Variants in ZMYM4 observed in about 807,000 individuals in gnomAD.
ZMYM4 encodes the protein zinc finger MYM-type protein 4.
A neutral mutation model predicts 183.2 loss-of-function variants in ZMYM4; 31 were observed. That is an observed-to-expected ratio of 0.17 (90% confidence interval 0.13 to 0.23). The LOEUF (loss-of-function observed/expected upper bound fraction) is 0.23, where lower values mean the gene tolerates loss of function less well. Ranked by LOEUF, ZMYM4 falls within the 10% of genes least tolerant of loss-of-function variation. The pLI is 1.00. For synonymous variants in ZMYM4, 592 were observed against 631.2 expected (o/e 0.94, Z 0.93); for missense variants, 1,273 against 1,840.3 (o/e 0.69, Z 5.64).
intron 7 of ZMYM4, among the ~76,000 whole-genome samples, chr1:35,379,735 A>G (rs573272937): frequency 6.6e-6 from 1 of 152,332 alleles, no homozygotes; most frequent in South Asian, 2.1e-4. Context: ...TTTGTTGAGC[A>G]CTTAGAGGCC....
chr1:35,279,510 C>G lies in ZMYM4; in HGVS notation c.39+10425C>G, dbSNP rs140197419. Among the ~76,000 whole-genome samples the G allele has an allele frequency of 2.2e-4, 33 of 152,314 alleles. No homozygotes were observed. In the East Asian group the frequency reaches 6.4e-3, roughly 29 times the overall value. ...GCCACGTGGCCTGCTCTCTAGAACA[C>G]ACTTTTCTAACAGTGAATTTCCTAA... On this transcript the variant is annotated intron_variant, in intron 1 of 29. Transcript: ENST00000314607.
rs771056764 is a variant in ZMYM4, at chr1:35,418,524, A to G, written c.4391A>G (p.Asn1464Ser). 1.9e-6 allele frequency: 3 copies of G among 1,614,086 alleles called. No individual in the cohort carries two copies. Among genetic ancestry groups the G allele is most frequent in the Admixed American group, 3.3e-5 (2 of 60,012 alleles). The change falls in exon 29 of 30, where the codon AAT becomes AGT. Residue 1464 changes from asparagine (N) to serine (S), a missense_variant. Asn to Ser is a conservative substitution (Grantham distance 46). This residue lies in a region of ZMYM4 where 145 missense variants were observed against 331.6 expected (regional missense o/e 0.44). Coordinates refer to ENST00000314607, the MANE Select transcript of ZMYM4 (RefSeq NM_005095.3). Reference protein sequence around the residue: ...VGVEMAENTDNPLRCPVRLYE... With the variant: ...VGVEMAENTDSPLRCPVRLYE... ...GTGGAGATGGCAGAGAATACTGACAATCCACTAAGATGCCCAGTCCGACTT... is the reference window on the plus strand; with the variant it reads ...GTGGAGATGGCAGAGAATACTGACAGTCCACTAAGATGCCCAGTCCGACTT...
rs138081070 is a variant in ZMYM4, at chr1:35,304,590, C to G, written c.40-20770C>G. ...CTCCCACCTCAGCCTCTTAAGAGTA[C>G]CTGTGACTATAGCGTGTGCCACAAT... is the stretch of plus-strand genomic sequence containing the variant. On this transcript the variant is annotated intron_variant, in intron 1 of 29. Coordinates refer to ENST00000314607, the MANE Select transcript of ZMYM4 (RefSeq NM_005095.3). 8.6e-5 allele frequency among the ~76,000 whole-genome samples: 13 copies of G among 150,962 alleles called. 2 individuals carry two copies. Among genetic ancestry groups the G allele is most frequent in the African/African-American group, 2.7e-4 (11 of 41,184 alleles).
At position 35,361,674 on chromosome 1, in the gene ZMYM4, C is replaced by T; in HGVS notation, c.725C>T (p.Ser242Phe). 6.2e-7 allele frequency: 1 copy of T among 1,613,722 alleles called. No homozygotes were observed. Among genetic ancestry groups the T allele is most frequent in the East Asian group, 2.2e-5 (1 of 44,824 alleles). ...TCCATTGGTTCGGAACTGGGGAATT[C>T]CTTTGCATCAAATATTAGAATTAAA... is the stretch of plus-strand genomic sequence containing the variant. ...KESIGSELGNSFASNIRIKEE... is the reference protein window; with the variant it reads ...KESIGSELGNFFASNIRIKEE... The change falls in exon 5 of 30, where the codon TCC becomes TTC. Residue 242 changes from serine to phenylalanine, a missense_variant. Physicochemically the swap from Ser to Phe is radical, Grantham distance 155. This residue lies in a region of ZMYM4 where 384 missense variants were observed against 465.6 expected (regional missense o/e 0.82). Coordinates refer to ENST00000314607, the MANE Select transcript of ZMYM4 (RefSeq NM_005095.3).
In ZMYM4 at chr1:35,368,478, G is replaced by C. The variant is rs568827096; in HGVS notation, c.841-1551G>C. 8.5e-5 allele frequency among the ~76,000 whole-genome samples: 13 copies of C among 152,224 alleles called. 2 individuals carry two copies. The highest frequency in any genetic ancestry group is 2.6e-4 in the African/African-American group (11 of 41,538). On this transcript the variant is annotated intron_variant, in intron 5 of 29. Coordinates refer to ENST00000314607, the MANE Select transcript of ZMYM4 (RefSeq NM_005095.3). ...TAACAAATGCTACTGAGAGTTAATA[G>C]TGTTCCATTATAATGTACTTTTTGT...
intron 2 of ZMYM4, among the ~76,000 whole-genome samples, chr1:35,349,289 GTGGT>G (rs1643509804): frequency 6.6e-6 from 1 of 152,072 alleles, no homozygotes; most frequent in South Asian, 2.1e-4. Flanking sequence ...TGTCCGGCCT[GTGGT>G]TTAGTTAAGA....
At position 35,395,068 on chromosome 1, in the gene ZMYM4, A is replaced by G. The variant is rs1467934900; in HGVS notation, c.2911+1329A>G. On this transcript the variant is annotated intron_variant, in intron 18 of 29. Transcript: ENST00000314607. Reference sequence around the variant, plus strand: ...AGATTAATATGCACATGAATTATCCAGGAATTTTACTAAGTAGATTCTTAT... The same window carrying G: ...AGATTAATATGCACATGAATTATCCGGGAATTTTACTAAGTAGATTCTTAT... 4.6e-5 allele frequency among the ~76,000 whole-genome samples: 7 copies of G among 152,234 alleles called. No individual in the cohort carries two copies. The East Asian group carries it at 9.6e-4, about 21-fold the overall frequency.
At chr1:35,322,419 AT>A (rs1044101621) in intron 1 of ZMYM4, among the ~76,000 whole-genome samples, 5 of 146,048 alleles carry the variant, frequency 3.4e-5, no homozygotes, top group Admixed American at 2.0e-4. Flanking sequence ...TAGGGCTTTT[AT>A]TTTTTTTTCA....
chr1:35,327,535 A>G (rs900634310), intron 2 of ZMYM4, among the ~76,000 whole-genome samples: 3 of 152,192 alleles, frequency 2.0e-5, no homozygotes, highest in African/African-American at 7.2e-5. Flanking sequence ...TAGAATGATA[A>G]TATTTTTAGA....
At chr1:35,357,151 A>G (rs4653131) in intron 2 of ZMYM4, among the ~76,000 whole-genome samples, 1 of 152,170 alleles carries the variant, frequency 6.6e-6, no homozygotes, top group Non-Finnish European at 1.5e-5. Flanking sequence ...CAGCCTCCCA[A>G]AGTGCTAAGA....
chr1:35,375,052 A>T (rs1187378026), intron 7 of ZMYM4, among the ~76,000 whole-genome samples: 1 of 151,584 alleles, frequency 6.6e-6, no homozygotes, highest in East Asian at 1.9e-4. Context: ...CTTTTTATTC[A>T]CTTAGTCTTT....
intron 1 of ZMYM4, among the ~76,000 whole-genome samples, chr1:35,298,213 AGTC>A (rs1353450524): frequency 6.6e-6 from 1 of 152,190 alleles, no homozygotes; most frequent in African/African-American, 2.4e-5. Flanking sequence ...TGCCAATAAA[AGTC>A]AGTAGGATGG....
intron 18 of ZMYM4, among the ~76,000 whole-genome samples, chr1:35,394,162 CTTTTTTT>C (rs34277367): frequency 2.8e-3 from 189 of 68,432 alleles, no homozygotes; most frequent in Middle Eastern, 0.017. Flanking sequence ...TCAGAGCTTT[CTTTTTTT>C]TTTTTTTTTT....
At chr1:35,366,174 A>T (rs556627562) in intron 5 of ZMYM4, 3 of 152,244 alleles carry the variant, frequency 2.0e-5, no homozygotes, top group Non-Finnish European at 4.4e-5. Flanking sequence ...CTTTTAATAC[A>T]TATATTTCAT....
At chr1:35,293,628 T>C (rs1640867497) in intron 1 of ZMYM4, among the ~76,000 whole-genome samples, 1 of 152,144 alleles carries the variant, frequency 6.6e-6, no homozygotes, top group African/African-American at 2.4e-5. Flanking sequence ...TGGGTTTTTC[T>C]TTTTTAATGG....
chr1:35,405,681 A>C (rs1055865110), intron 25 of ZMYM4, among the ~76,000 whole-genome samples: 2 of 150,996 alleles, frequency 1.3e-5, no homozygotes, highest in African/African-American at 2.4e-5. Flanking sequence ...ATTTTGTTTT[A>C]TTTTTGACAC....
intron 15 of ZMYM4, 69 bp downstream of exon 15, chr1:35,390,167 C>G: frequency 6.7e-7 from 1 of 1,495,244 alleles, no homozygotes; most frequent in Non-Finnish European, 9.1e-7. Flanking sequence ...TTTTACAGAT[C>G]AGGAACTGTG....
chr1:35,344,663 A>G (rs1415659929), intron 2 of ZMYM4, among the ~76,000 whole-genome samples: 5 of 152,086 alleles, frequency 3.3e-5, no homozygotes, highest in Non-Finnish European at 5.9e-5. Context: ...CTCACTTTGC[A>G]TTTATGGGAT....
At chr1:35,307,539 A>T (rs149854298) in intron 1 of ZMYM4, among the ~76,000 whole-genome samples, 25,011 of 140,820 alleles carry the variant, frequency 0.18, 2,681 homozygotes, top group African/African-American at 0.28. Context: ...TATTATTATT[A>T]TTATTTTTTT....
Sources: allele counts gnomAD v4.1 joint callset (sites outside exome capture counted in the v4.1 genomes callset), GRCh38; gene constraint gnomAD v4.1.1; regional missense constraint gnomAD v4.1.1; transcripts MANE v1.5; gene names NCBI Gene and HGNC (gene_info 2026-07-23, HGNC 2026-07-21).